C9orf153: variants seen among roughly 807,000 people sequenced by gnomAD.
C9orf153 encodes chromosome 9 open reading frame 153.
Under a neutral mutation model 9.0 loss-of-function variants are expected in C9orf153, and 10 were observed. The ratio of observed to expected loss-of-function variants is 1.11; its 90% CI spans 0.69 to 1.89. The LOEUF (loss-of-function observed/expected upper bound fraction) is 1.89. Ranked by LOEUF, C9orf153 falls within the 40% of genes most tolerant of loss-of-function variation. C9orf153 has a pLI of 0.00. For missense variants in C9orf153, 108 were observed against 111.0 expected (o/e 0.97, Z 0.12); for synonymous variants, 35 against 37.3 (o/e 0.94, Z 0.23).
At position 86,225,395 on chromosome 9, in the gene C9orf153, CTT is replaced by C. The variant is rs1308628456; in HGVS notation, c.242+2458_242+2459del. Among the ~76,000 whole-genome samples the C allele has an allele frequency of 2.4e-4, 31 of 129,492 alleles. 1 individual carries two copies. The East Asian group carries it at 4.5e-3, about 19-fold the overall frequency. The allele number at this position is 129,492 out of a possible 152,430, so 85.0% of individuals were successfully genotyped here. On this transcript the variant is annotated intron_variant, in intron 3 of 3. Transcript: ENST00000339137. ...CTTTCCTTCTTTCTTTCGTTTCTTT[CTT>C]TCTCTCTCTCTCTCTCCTTCCTTCC...
At position 86,220,381 on chromosome 9, in the gene C9orf153, A is replaced by G. The variant is rs1235703243; in HGVS notation, c.*1307T>C. ...TTACTAAAATACATACTTTATTAGT[A>G]GTTTTTTTTAAGCAAGGGATTATGG... On this transcript the variant is annotated 3_prime_UTR_variant, in exon 4 of 4. Coordinates refer to ENST00000339137, the MANE Select transcript of C9orf153 (RefSeq NM_001276366.4). The G allele has an allele frequency of 6.6e-6, 1 of 152,174 alleles. No individual in the cohort carries two copies. Among genetic ancestry groups the G allele is most frequent in the Non-Finnish European group, 1.5e-5 (1 of 68,020 alleles). The allele number at this position is 152,174 out of a possible 1,614,324, so 9.4% of individuals were successfully genotyped here.
At chr9:86,235,456 GA>G (rs1263856700) in intron 1 of C9orf153, among the ~76,000 whole-genome samples, 5 of 151,958 alleles carry the variant, frequency 3.3e-5, no homozygotes, top group Non-Finnish European at 7.4e-5. Flanking sequence ...TTCCAAACCT[GA>G]AAAATCAAGA....
chr9:86,240,165 A>G (rs1824698998), intron 1 of C9orf153, among the ~76,000 whole-genome samples: 1 of 152,176 alleles, frequency 6.6e-6, no homozygotes, highest in Admixed American at 6.5e-5. Context: ...ACACATGTAC[A>G]ATTATAATCC....
intron 1 of C9orf153, among the ~76,000 whole-genome samples, chr9:86,250,870 A>G (rs921514751): frequency 6.6e-6 from 1 of 152,230 alleles, no homozygotes; most frequent in African/African-American, 2.4e-5. Context: ...TGAAAAAGGC[A>G]TACAAATTTT....
At chr9:86,242,639 T>G (rs1012002045) in intron 1 of C9orf153, among the ~76,000 whole-genome samples, 2 of 152,172 alleles carry the variant, frequency 1.3e-5, no homozygotes, top group Non-Finnish European at 2.9e-5. Flanking sequence ...CAAGTGAGAA[T>G]TTATGCATAG....
At chr9:86,238,945 A>G (rs1824663848) in intron 1 of C9orf153, among the ~76,000 whole-genome samples, 1 of 143,700 alleles carries the variant, frequency 7.0e-6, no homozygotes, top group Admixed American at 7.0e-5. Context: ...TATCTGTAAT[A>G]TAATTCTATT....
At chr9:86,249,810 G>A (rs1824956084) in intron 1 of C9orf153, among the ~76,000 whole-genome samples, 3 of 152,222 alleles carry the variant, frequency 2.0e-5, no homozygotes. Context: ...GCTTCCCACA[G>A]TGCTGGGATT....
chr9:86,246,368 GCAGTGCAGCCATTGTACTA>G (rs1450293885), intron 1 of C9orf153, among the ~76,000 whole-genome samples: 1 of 152,130 alleles, frequency 6.6e-6, no homozygotes, highest in Admixed American at 6.6e-5. Flanking sequence ...GAAACCTTCT[GCAGTGCAGCCATTGTACTA>G]CAGCTTGGAC....
intron 1 of C9orf153, among the ~76,000 whole-genome samples, chr9:86,255,267 C>G (rs1482417586): frequency 6.6e-6 from 1 of 152,132 alleles, no homozygotes; most frequent in South Asian, 2.1e-4. Flanking sequence ...CAAAGTAGGA[C>G]TGACAGAAAT....
At chr9:86,253,176 G>C (rs918442910) in intron 1 of C9orf153, among the ~76,000 whole-genome samples, 7 of 152,130 alleles carry the variant, frequency 4.6e-5, no homozygotes, top group Non-Finnish European at 1.0e-4. Context: ...GGACATAATT[G>C]AATACACTGG....
At chr9:86,243,527 G>A (rs1169246781) in intron 1 of C9orf153, among the ~76,000 whole-genome samples, 4 of 148,654 alleles carry the variant, frequency 2.7e-5, no homozygotes, top group East Asian at 4.0e-4. Flanking sequence ...GTGCAATGGC[G>A]CGATCTCGGC....
intron 1 of C9orf153, among the ~76,000 whole-genome samples, chr9:86,247,009 G>T (rs745350920): frequency 7.9e-5 from 12 of 152,198 alleles, no homozygotes; most frequent in South Asian, 4.1e-4. Flanking sequence ...TCCACTTCCT[G>T]CGAGTTCACA....
At chr9:86,227,118 G>T (rs996867884) in intron 3 of C9orf153, among the ~76,000 whole-genome samples, 33 of 152,108 alleles carry the variant, frequency 2.2e-4, no homozygotes, top group Non-Finnish European at 4.1e-4. Flanking sequence ...GGAATTCTGG[G>T]TTCTCTGTTC....
intron 3 of C9orf153, among the ~76,000 whole-genome samples, chr9:86,225,589 G>C (rs1011769175): frequency 6.6e-6 from 1 of 152,034 alleles, no homozygotes; most frequent in Non-Finnish European, 1.5e-5. Context: ...CTCCCAAGTA[G>C]CTGGGATTAC....
In C9orf153 at chr9:86,242,571, A is replaced by C. The variant is rs961742645; in HGVS notation, c.-26-12942T>G. The stretch of plus-strand genomic sequence containing the variant: ...AGTAATTGTACAGTATGAGTCCACC[A>C]TATAAAAAATGAGGCCAAATATGTA... On this transcript the variant is annotated intron_variant, in intron 1 of 3. Transcript: ENST00000339137. Among the ~76,000 whole-genome samples, 20 of 152,368 alleles carry C rather than the reference A, an allele frequency of 1.3e-4. 1 individual carries two copies. Among genetic ancestry groups the C allele is most frequent in the African/African-American group, 4.8e-4 (20 of 41,592 alleles).
chr9:86,244,415 A>C (rs74786704), intron 1 of C9orf153, among the ~76,000 whole-genome samples: 3,029 of 152,276 alleles, frequency 0.02, 38 homozygotes, highest in Non-Finnish European at 0.033. Flanking sequence ...GATCACATTA[A>C]AATCACATCA....
intron 1 of C9orf153, among the ~76,000 whole-genome samples, chr9:86,256,915 C>T (rs1168817996): frequency 6.6e-6 from 1 of 152,094 alleles, no homozygotes; most frequent in African/African-American, 2.4e-5. Context: ...ATCCCAGCTA[C>T]ACGGGAGGCT....
Position 86,227,917 on chromosome 9 carries a change from G to A in C9orf153, c.180C>T (p.Asn60=), listed in dbSNP as rs764390833. 22 of 1,613,684 alleles carry A rather than the reference G, an allele frequency of 1.4e-5. No homozygotes were observed. In the South Asian group the frequency reaches 2.3e-4, roughly 17 times the overall value. The change falls in exon 3 of 4, where the codon AAC becomes AAT. Residue 60 remains asparagine, a synonymous_variant. Transcript: ENST00000339137. ...CCCTGGTGAATGACATGACATTCAG[G>A]TTTCTAGCAAGTACTTCCTGTGCTT... ...LNEAQEVLAR[N]LNVMSFTRGA...
At chr9:86,243,631 A>G (rs1481075879) in intron 1 of C9orf153, among the ~76,000 whole-genome samples, 1 of 152,070 alleles carries the variant, frequency 6.6e-6, no homozygotes, top group African/African-American at 2.4e-5. Context: ...GCCATCTAAC[A>G]GGTGACAAAA....
Sources: gnomAD v4.1 joint callset for allele counts (sites outside exome capture counted in the v4.1 genomes callset) on GRCh38, gnomAD v4.1.1 for gene constraint, MANE v1.5 for transcripts, NCBI Gene and HGNC (gene_info 2026-07-23, HGNC 2026-07-21) for gene names.